NDUFAF2: variants seen among roughly 807,000 people sequenced by gnomAD.
NDUFAF2 encodes NADH:ubiquinone oxidoreductase complex assembly factor 2.
Under a neutral mutation model 22.8 loss-of-function variants are expected in NDUFAF2, and 13 were observed. The observed-to-expected ratio is 0.57, with a 90% CI of 0.37 to 0.91. NDUFAF2 has a LOEUF of 0.91. Among genes scored for constraint, NDUFAF2 ranks in the 40% least tolerant of loss-of-function variants. The pLI is 0.01. For missense variants in NDUFAF2, 162 were observed against 195.2 expected, an observed-to-expected ratio of 0.83 and a Z score of 1.01; for synonymous variants, 53 against 64.2, an observed-to-expected ratio of 0.83 and a Z score of 0.84.
intron 1 of NDUFAF2, among the ~76,000 whole-genome samples, chr5:60,953,357 A>C (rs936055217): frequency 6.6e-6 from 1 of 152,144 alleles, no homozygotes; most frequent in African/African-American, 2.4e-5. Context: ...CCAACCTATA[A>C]TTTTGTACAC....
At chr5:60,961,727 C>G (rs1445781062) in intron 1 of NDUFAF2, among the ~76,000 whole-genome samples, 1 of 149,768 alleles carries the variant, frequency 6.7e-6, no homozygotes, top group East Asian at 2.0e-4. Context: ...GATTGTGCCA[C>G]CACACTCTAG....
intron 2 of NDUFAF2, among the ~76,000 whole-genome samples, chr5:61,087,029 C>G (rs1752512394): frequency 6.6e-6 from 1 of 152,120 alleles, no homozygotes; most frequent in Non-Finnish European, 1.5e-5. Context: ...CTACCCCATT[C>G]ATGTGTTGAA....
chr5:61,021,152 A>C (rs1231071589), intron 1 of NDUFAF2, among the ~76,000 whole-genome samples: 1 of 152,176 alleles, frequency 6.6e-6, no homozygotes, highest in Non-Finnish European at 1.5e-5. Context: ...TTAGTGGCTT[A>C]AAACAACACA....
At chr5:61,077,531 C>T (rs1053839064) in intron 2 of NDUFAF2, among the ~76,000 whole-genome samples, 1 of 152,014 alleles carries the variant, frequency 6.6e-6, no homozygotes, top group Admixed American at 6.6e-5. Context: ...TGAGAATAGA[C>T]AGTGTTTATG....
At chr5:61,013,251 ATTTT>A (rs1751463050) in intron 1 of NDUFAF2, among the ~76,000 whole-genome samples, 1 of 151,866 alleles carries the variant, frequency 6.6e-6, no homozygotes, top group South Asian at 2.1e-4. Flanking sequence ...TGGTAGTACA[ATTTT>A]GTTCATTTGA....
At chr5:60,974,044 A>G (rs1463257830) in intron 1 of NDUFAF2, among the ~76,000 whole-genome samples, 3 of 152,168 alleles carry the variant, frequency 2.0e-5, no homozygotes, top group Non-Finnish European at 2.9e-5. Context: ...GATGCAAGGT[A>G]TTGTTCTTCA....
At chr5:61,063,236 T>A (rs1260198657) in intron 1 of NDUFAF2, among the ~76,000 whole-genome samples, 1 of 152,086 alleles carries the variant, frequency 6.6e-6, no homozygotes, top group Admixed American at 6.6e-5. Context: ...TGGTGGCTCA[T>A]GCCTGTAATC....
intron 3 of NDUFAF2, among the ~76,000 whole-genome samples, chr5:61,142,829 G>T (rs549921325): frequency 6.6e-6 from 1 of 152,138 alleles, no homozygotes; most frequent in Non-Finnish European, 1.5e-5. Flanking sequence ...GATCTAGCAG[G>T]TGTTCTCTTG....
chr5:61,082,123 C>T (rs1419642751), intron 2 of NDUFAF2, among the ~76,000 whole-genome samples: 3 of 152,070 alleles, frequency 2.0e-5, no homozygotes, highest in Admixed American at 2.0e-4. Flanking sequence ...AACAACGATT[C>T]ACAGGAGAAA....
intron 2 of NDUFAF2, among the ~76,000 whole-genome samples, chr5:61,097,513 GAC>G (rs148104593): frequency 0.024 from 3,703 of 152,318 alleles, 63 homozygotes; most frequent in Non-Finnish European, 0.038. Context: ...GTAAGTCAGT[GAC>G]AGTCTGTGCC....
intron 3 of NDUFAF2, among the ~76,000 whole-genome samples, chr5:61,101,577 T>G (rs1200021610): frequency 6.6e-6 from 1 of 152,154 alleles, no homozygotes; most frequent in African/African-American, 2.4e-5. Flanking sequence ...CTCTGTCCAC[T>G]GTTTTCCTTC....
chr5:60,951,175 G>T (rs778826122), intron 1 of NDUFAF2, among the ~76,000 whole-genome samples: 3 of 151,976 alleles, frequency 2.0e-5, no homozygotes, highest in Non-Finnish European at 4.4e-5. Flanking sequence ...GATTACAGGT[G>T]CCCACCACCA....
At chr5:61,076,998 A>G (rs1295515066) in intron 2 of NDUFAF2, among the ~76,000 whole-genome samples, 2 of 152,240 alleles carry the variant, frequency 1.3e-5, no homozygotes, top group African/African-American at 4.8e-5. Flanking sequence ...GTTAACTGAC[A>G]TGTGCAGTTA....
chr5:61,111,885 TG>T (rs1331349298), intron 3 of NDUFAF2, among the ~76,000 whole-genome samples: 1 of 152,090 alleles, frequency 6.6e-6, no homozygotes, highest in Non-Finnish European at 1.5e-5. Flanking sequence ...CCCAAAGTGC[TG>T]GGATTACAGG....
chr5:60,962,358 T>C (rs1035086495), intron 1 of NDUFAF2, among the ~76,000 whole-genome samples: 1 of 152,216 alleles, frequency 6.6e-6, no homozygotes, highest in Non-Finnish European at 1.5e-5. Flanking sequence ...TGATTAATAC[T>C]GTATTCACTG....
intron 1 of NDUFAF2, among the ~76,000 whole-genome samples, chr5:60,961,951 A>G (rs927922656): frequency 6.6e-6 from 1 of 151,138 alleles, no homozygotes; most frequent in African/African-American, 2.4e-5. Flanking sequence ...ACACAGCAAG[A>G]CTCTTTCTCT....
chr5:60,981,234 C>A (rs928635787), intron 1 of NDUFAF2, among the ~76,000 whole-genome samples: 2 of 152,124 alleles, frequency 1.3e-5, no homozygotes, highest in African/African-American at 4.8e-5. Flanking sequence ...ATACATCTGG[C>A]AGCCAACTTT....
intron 1 of NDUFAF2, among the ~76,000 whole-genome samples, chr5:61,005,198 T>C (rs1027206255): frequency 6.6e-6 from 1 of 152,230 alleles, no homozygotes; most frequent in Non-Finnish European, 1.5e-5. Flanking sequence ...ATTGGTTTTC[T>C]GTCCTTGTGA....
At chr5:61,116,106 C>T (rs1257778549) in intron 3 of NDUFAF2, 1 of 152,128 alleles carries the variant, frequency 6.6e-6, no homozygotes, top group Non-Finnish European at 1.5e-5. Context: ...CTTTATGCTC[C>T]AGGCAGAGTA....
Sources: allele counts gnomAD v4.1 joint callset (sites outside exome capture counted in the v4.1 genomes callset), GRCh38; gene constraint gnomAD v4.1.1; transcripts MANE v1.5; gene names NCBI Gene and HGNC (gene_info 2026-07-23, HGNC 2026-07-21).